The following ACTR6 variants were observed in gnomAD, a reference collection of about 807,000 sequenced individuals.
ACTR6 encodes the protein actin-related protein 6.
A neutral mutation model predicts 52.5 loss-of-function variants in ACTR6; 50 were observed. The ratio of observed to expected loss-of-function variants is 0.95; its 90% CI spans 0.76 to 1.20. The LOEUF (loss-of-function observed/expected upper bound fraction) is 1.20, where lower values mean the gene tolerates loss of function less well. Ranked by LOEUF, ACTR6 falls within the 50% of genes most tolerant of loss-of-function variation. The pLI, the probability that ACTR6 is intolerant of heterozygous loss-of-function variation, is 0.00. For missense variants in ACTR6, 344 were observed against 472.4 expected (o/e 0.73, Z 2.52); for synonymous variants, 135 against 147.2 (o/e 0.92, Z 0.60).
intron 6 of ACTR6, 103 bp downstream of exon 6, chr12:100,210,454 C>CA: frequency 8.0e-7 from 1 of 1,257,862 alleles, no homozygotes; most frequent in Non-Finnish European, 1.1e-6. Context: ...CATTGTGACT[C>CA]ACGCCTGTAA....
intron 1 of ACTR6, chr12:100,204,407 C>G (rs992474431): frequency 7.2e-5 from 11 of 152,286 alleles, no homozygotes; most frequent in African/African-American, 2.7e-4. Context: ...ATCACCAAGG[C>G]TGGAGTGCAG....
intron 3 of ACTR6, 56 bp from the exon 4 acceptor site, chr12:100,207,607 C>A: frequency 7.5e-7 from 1 of 1,338,140 alleles, no homozygotes; most frequent in Non-Finnish European, 1.0e-6. Context: ...ACATGTAAAA[C>A]AAGTGTTAAT....
intron 8 of ACTR6, among the ~76,000 whole-genome samples, chr12:100,215,835 T>C (rs941587600): frequency 5.3e-5 from 8 of 152,210 alleles, no homozygotes; most frequent in African/African-American, 1.9e-4. Flanking sequence ...AAATATTTAT[T>C]TGAGAGCCTT....
intron 1 of ACTR6, among the ~76,000 whole-genome samples, chr12:100,202,177 T>G (rs2096110295): frequency 6.6e-6 from 1 of 152,140 alleles, no homozygotes; most frequent in Non-Finnish European, 1.5e-5. Flanking sequence ...GTGATCTGCC[T>G]GCTTCAGCCT....
At chr12:100,201,604 G>A (rs1053751441) in intron 1 of ACTR6, among the ~76,000 whole-genome samples, 3 of 152,120 alleles carry the variant, frequency 2.0e-5, no homozygotes, top group African/African-American at 4.8e-5. Context: ...ATCAAACTGA[G>A]TAGGAATGTA....
Position 100,200,864 on chromosome 12 carries a change from G to A in ACTR6, c.13G>A (p.Val5Met). 1 of 1,614,146 alleles carries A rather than the reference G, an allele frequency of 6.2e-7. No homozygotes were observed. The highest frequency in any genetic ancestry group is 8.5e-7 in the Non-Finnish European group (1 of 1,180,014). ...GGTTGGTGGTGAGATGACGACCTTA[G>A]TGCTGGATAATGGAGCTTACAACGC... MTTL[V>M]LDNGAYNAKI... is the part of the protein sequence containing the mutation. Residue 5 changes from valine to methionine, a missense_variant, in exon 1 of 11, where the codon GTG (valine) becomes ATG (methionine). By Grantham distance (21) the Val-to-Met change is conservative. Transcript: ENST00000188312.
At chr12:100,209,283 A>T (rs2096117842) in intron 4 of ACTR6, among the ~76,000 whole-genome samples, 1 of 152,208 alleles carries the variant, frequency 6.6e-6, no homozygotes, top group Non-Finnish European at 1.5e-5. Context: ...CTGTAATCCC[A>T]GAACTTTGGG....
intron 8 of ACTR6, among the ~76,000 whole-genome samples, chr12:100,214,609 C>T (rs1389574046): frequency 6.6e-6 from 1 of 151,898 alleles, no homozygotes; most frequent in African/African-American, 2.4e-5. Flanking sequence ...GTGTCACACA[C>T]CTGTAGTTCT....
chr12:100,211,081 T>C (rs1592839703), intron 6 of ACTR6, among the ~76,000 whole-genome samples: 1 of 152,316 alleles, frequency 6.6e-6, no homozygotes, highest in East Asian at 1.9e-4. Context: ...CTCAAACTCC[T>C]GGGCTCAAAA....
In ACTR6 at chr12:100,223,922, T is replaced by C. The variant is rs1487956992; in HGVS notation, c.*7T>C. On this transcript the variant is annotated 3_prime_UTR_variant, in exon 11 of 11. Coordinates refer to ENST00000188312, the MANE Select transcript of ACTR6 (RefSeq NM_022496.5). The stretch of plus-strand genomic sequence containing the variant: ...AGAGAAATTTGATATTTAAGCAACA[T>C]TTTTGAATGAAAGTTGTGACCATAA... The C allele has an allele frequency of 1.2e-6, 2 of 1,600,308 alleles. No individual in the cohort carries two copies. The highest frequency in any genetic ancestry group is 1.4e-5 in the African/African-American group (1 of 74,072).
In ACTR6 at chr12:100,208,319, T is replaced by C. The variant is rs565136359; in HGVS notation, c.379+533T>C. On this transcript the variant is annotated intron_variant, in intron 4 of 10. Coordinates refer to ENST00000188312, the MANE Select transcript of ACTR6 (RefSeq NM_022496.5). Reference sequence around the variant, plus strand: ...TTCCGAGATGGGGTTCTGGTCTTGTTGCCCAGGTTGGCATGTGATGGAGCA... The same window carrying C: ...TTCCGAGATGGGGTTCTGGTCTTGTCGCCCAGGTTGGCATGTGATGGAGCA... Among the ~76,000 whole-genome samples, 320 of 152,220 alleles carry C rather than the reference T, an allele frequency of 2.1e-3. 1 individual carries two copies. The highest frequency in any genetic ancestry group is 7.3e-3 in the African/African-American group (302 of 41,546).
intron 8 of ACTR6, among the ~76,000 whole-genome samples, chr12:100,214,912 T>C (rs915673708): frequency 6.6e-6 from 1 of 152,186 alleles, no homozygotes; most frequent in Non-Finnish European, 1.5e-5. Flanking sequence ...GTGTATTTTT[T>C]TTCTTCTTCA....
In ACTR6 at chr12:100,222,502, C is replaced by T. The variant is rs899740969; in HGVS notation, c.1062-1284C>T. 5.1e-4 allele frequency among the ~76,000 whole-genome samples: 78 copies of T among 151,992 alleles called. 1 individual carries two copies. Among genetic ancestry groups the T allele is most frequent in the African/African-American group, 1.9e-3 (77 of 41,414 alleles). ...TGAACTCCTGGGCTCAAGCAGTCCT[C>T]CCACCTCGACCTACCAAAGTGCTGG... On this transcript the variant is annotated intron_variant, in intron 10 of 10. Coordinates refer to ENST00000188312, the MANE Select transcript of ACTR6 (RefSeq NM_022496.5).
chr12:100,220,018 G>A lies in ACTR6; in HGVS notation c.933G>A (p.Pro311=), dbSNP rs140292829. ...SIQNLPEEMQ[P]HFFKNIVLTG... ...TTTCTTCTTTTAAAGAAATGCAGCC[G>A]CATTTTTTTAAGAACATTGTCTTGA... is the stretch of plus-strand genomic sequence containing the variant. Residue 311 remains proline, a synonymous_variant, in exon 10 of 11, where the codon CCG becomes CCA. Coordinates refer to ENST00000188312, the MANE Select transcript of ACTR6 (RefSeq NM_022496.5). 4.3e-5 allele frequency: 70 copies of A among 1,611,122 alleles called. No homozygotes were observed. Among genetic ancestry groups the A allele is most frequent in the Non-Finnish European group, 4.9e-5 (58 of 1,178,802 alleles).
chr12:100,213,292 A>G (rs2096121472), intron 8 of ACTR6, among the ~76,000 whole-genome samples: 1 of 152,008 alleles, frequency 6.6e-6, no homozygotes, highest in Non-Finnish European at 1.5e-5. Flanking sequence ...GGGGTCCTAC[A>G]GTGTTGCCTA....
intron 2 of ACTR6, 68 bp from the exon 3 acceptor site, chr12:100,205,608 T>A: frequency 1.0e-6 from 1 of 961,222 alleles, no homozygotes; most frequent in Non-Finnish European, 1.5e-6. Flanking sequence ...TATTCAAATA[T>A]TTATAATCTG....
intron 3 of ACTR6, 63 bp from the exon 4 acceptor site, chr12:100,207,600 T>C (rs1209495716): frequency 1.5e-6 from 2 of 1,322,798 alleles, no homozygotes; most frequent in South Asian, 3.1e-5. Context: ...TGTTTGTACA[T>C]GTAAAACAAG....
rs2096130463 is a variant in ACTR6 at position 100,224,176 on chromosome 12, G to T, written c.*261G>T. On this transcript the variant is annotated 3_prime_UTR_variant, in exon 11 of 11. Transcript: ENST00000188312. ...AAGGGTAGGTTATTTTTCATTAAAA[G>T]AAGAATGAATGCATTTTAAGTTTAA... 4.1e-6 allele frequency: 1 copy of T among 242,822 alleles called. No individual in the cohort carries two copies. Among genetic ancestry groups the T allele is most frequent in the Non-Finnish European group, 7.7e-6 (1 of 129,270 alleles). The allele number at this position is 242,822 out of a possible 1,614,324, so 15.0% of individuals were successfully genotyped here. A position where few individuals can be genotyped will look rare whatever the true frequency, so the allele number is the denominator to read the frequency against.
chr12:100,203,289 G>C (rs946611745), intron 1 of ACTR6, among the ~76,000 whole-genome samples: 1 of 152,018 alleles, frequency 6.6e-6, no homozygotes, highest in Non-Finnish European at 1.5e-5. Flanking sequence ...AAGATCTTTG[G>C]CTTCATGGGA....
Sources: allele counts gnomAD v4.1 joint callset (sites outside exome capture counted in the v4.1 genomes callset), GRCh38; gene constraint gnomAD v4.1.1; transcripts MANE v1.5; gene names NCBI Gene and HGNC (gene_info 2026-07-23, HGNC 2026-07-21).